ATP6V0D2: variants seen among roughly 807,000 people sequenced by gnomAD.
ATP6V0D2 encodes the protein V-type proton ATPase subunit d 2.
ATP6V0D2 carries 40 observed loss-of-function variants against 40.0 expected under a neutral mutation model. The ratio of observed to expected loss-of-function variants is 1.00; its 90% CI spans 0.78 to 1.30. The LOEUF is 1.30. ATP6V0D2 is among the 50% of genes most tolerant of loss of function. The pLI is 0.00. For synonymous variants in ATP6V0D2, 179 were observed against 156.3 expected (o/e 1.15, Z -1.08); for missense variants, 470 against 423.1 (o/e 1.11, Z -0.97).
At chr8:86,151,362 T>G (rs1449896975) in intron 6 of ATP6V0D2, 104 bp from the exon 7 acceptor site, 2 of 838,840 alleles carry the variant, frequency 2.4e-6, no homozygotes, top group Non-Finnish European at 3.6e-6. Context: ...TCCTGGTATT[T>G]TTTTTTAAAT....
At chr8:86,145,676 T>C (rs775715825) in intron 5 of ATP6V0D2, among the ~76,000 whole-genome samples, 2 of 152,228 alleles carry the variant, frequency 1.3e-5, no homozygotes, top group African/African-American at 2.4e-5. Flanking sequence ...TTTCTTTTCA[T>C]AAATTCAACT....
intron 5 of ATP6V0D2, among the ~76,000 whole-genome samples, chr8:86,143,904 C>A (rs964070171): frequency 5.9e-5 from 9 of 152,080 alleles, no homozygotes. Flanking sequence ...CAGCTGGGAA[C>A]CCCCACAACT....
At chr8:86,114,097 C>T (rs918826515) in intron 2 of ATP6V0D2, among the ~76,000 whole-genome samples, 3 of 151,324 alleles carry the variant, frequency 2.0e-5, no homozygotes, top group Non-Finnish European at 2.9e-5. Flanking sequence ...ATTATATCAG[C>T]GGTGGTGGCC....
chr8:86,131,596 G>A (rs766847069), intron 2 of ATP6V0D2, among the ~76,000 whole-genome samples: 8 of 151,158 alleles, frequency 5.3e-5, no homozygotes, highest in Non-Finnish European at 1.0e-4. Flanking sequence ...TGCCTCCCGG[G>A]TTCAAGTGAT....
intron 2 of ATP6V0D2, among the ~76,000 whole-genome samples, chr8:86,123,721 A>G (rs1818703160): frequency 6.6e-6 from 1 of 152,222 alleles, no homozygotes; most frequent in Non-Finnish European, 1.5e-5. Flanking sequence ...AGTTCTTATC[A>G]AAGAGACTAG....
rs111625300 is a variant in ATP6V0D2, at chr8:86,150,377, C to T, written c.816+89C>T. 5.0e-4 allele frequency: 638 copies of T among 1,288,562 alleles called. 9 individuals carry two copies. In the African/African-American group the frequency reaches 7.7e-3, roughly 16 times the overall value. 79.8% of individuals were successfully genotyped at this position (1,288,562 alleles called of 1,614,324 possible). The stretch of plus-strand genomic sequence containing the variant: ...CTCACACATCAAATTTCCGCTTATA[C>T]TCAAAAGAAGTAATAATATTTGTAA... On this transcript the variant is annotated intron_variant, in intron 6 of 7. Coordinates refer to ENST00000285393, the MANE Select transcript of ATP6V0D2 (RefSeq NM_152565.1).
At chr8:86,143,439 T>A (rs541457571) in intron 5 of ATP6V0D2, among the ~76,000 whole-genome samples, 1 of 152,352 alleles carries the variant, frequency 6.6e-6, no homozygotes, top group South Asian at 2.1e-4. Context: ...CAAGGGCTGC[T>A]GGTTACCTAT....
At chr8:86,128,278 G>GT (rs1240451514) in intron 2 of ATP6V0D2, among the ~76,000 whole-genome samples, 1 of 152,222 alleles carries the variant, frequency 6.6e-6, no homozygotes, top group Non-Finnish European at 1.5e-5. Flanking sequence ...GAACCTGGGA[G>GT]GTGGAGGTTG....
At chr8:86,131,758 C>A (rs141887880) in intron 2 of ATP6V0D2, among the ~76,000 whole-genome samples, 2,105 of 152,272 alleles carry the variant, frequency 0.014, 48 homozygotes, top group African/African-American at 0.048. Context: ...ACCTCAGCCT[C>A]CCAAAGTGCT....
intron 2 of ATP6V0D2, among the ~76,000 whole-genome samples, chr8:86,121,751 G>T (rs574257640): frequency 6.6e-6 from 1 of 152,046 alleles, no homozygotes; most frequent in Non-Finnish European, 1.5e-5. Context: ...TTGCAAATTC[G>T]AGGGTCTCTC....
At chr8:86,133,316 CTTTTTTT>C (rs1242479597) in intron 2 of ATP6V0D2, among the ~76,000 whole-genome samples, 1,710 of 77,300 alleles carry the variant, frequency 0.022, 39 homozygotes, top group African/African-American at 0.081. Flanking sequence ...AACAGAAAGT[CTTTTTTT>C]TTTTTTTTTT....
chr8:86,145,225 AAGAAAGAAAG>A (rs1381328910), intron 5 of ATP6V0D2, among the ~76,000 whole-genome samples: 1 of 39,658 alleles, frequency 2.5e-5, no homozygotes, highest in Non-Finnish European at 5.0e-5. Context: ...GAAAGAAAGA[AAGAAAGAAAG>A]AGAGAGAGAG....
chr8:86,108,726 G>A (rs1014196864), intron 1 of ATP6V0D2, among the ~76,000 whole-genome samples: 4 of 152,006 alleles, frequency 2.6e-5, no homozygotes, highest in Non-Finnish European at 5.9e-5. Context: ...CAGCCACCAC[G>A]CCCAGCCAAA....
At chr8:86,116,864 C>A (rs1273946889) in intron 2 of ATP6V0D2, among the ~76,000 whole-genome samples, 1 of 152,142 alleles carries the variant, frequency 6.6e-6, no homozygotes. Flanking sequence ...AGACCTGTGT[C>A]CTTTTACCAT....
chr8:86,151,520 G>GA lies in ATP6V0D2; in HGVS notation c.872dup (p.Asp291GlufsTer7). The GA allele has an allele frequency of 6.2e-7, 1 of 1,608,578 alleles. No homozygotes were observed. The highest frequency in any genetic ancestry group is 8.5e-7 in the Non-Finnish European group (1 of 1,177,670). On this transcript the variant is annotated frameshift_variant, in exon 7 of 8. Coordinates refer to ENST00000285393, the MANE Select transcript of ATP6V0D2 (RefSeq NM_152565.1). LOFTEE classifies it low-confidence loss of function (END_TRUNC). ...TGGCAGTGGGGGAAAGACATTGGAG[G>GA]ACGTGTTTTACGAGCGTGAGGTATG...
intron 4 of ATP6V0D2, among the ~76,000 whole-genome samples, chr8:86,142,644 G>T (rs1048258461): frequency 6.6e-6 from 1 of 151,930 alleles, no homozygotes; most frequent in South Asian, 2.1e-4. Flanking sequence ...TGCTTGTTAA[G>T]TAATTATAAG....
At chr8:86,105,322 C>T (rs947080215) in intron 1 of ATP6V0D2, among the ~76,000 whole-genome samples, 4 of 151,924 alleles carry the variant, frequency 2.6e-5, no homozygotes, top group Admixed American at 1.3e-4. Context: ...TTTTTTAAGA[C>T]GGTCTGGCTC....
In ATP6V0D2 at chr8:86,139,615, T is replaced by A; in HGVS notation, c.461T>A (p.Ile154Asn). ...ACACCTTCAGATCTCTTTAATGCCA[T>A]TCTGATCGAAACGCCATTAGGTAGG... ...AETPSDLFNAILIETPLAPFF... is the reference protein window; with the variant it reads ...AETPSDLFNANLIETPLAPFF... The change falls in exon 3 of 8, where the codon ATT becomes AAT. Residue 154 changes from isoleucine to asparagine, a missense_variant. By Grantham distance (149) the Ile-to-Asn change is moderately radical. Transcript: ENST00000285393. 6.2e-7 allele frequency: 1 copy of A among 1,600,830 alleles called. No individual in the cohort carries two copies. Among genetic ancestry groups the A allele is most frequent in the Non-Finnish European group, 8.5e-7 (1 of 1,174,786 alleles).
At chr8:86,143,467 G>A (rs561236082) in intron 5 of ATP6V0D2, among the ~76,000 whole-genome samples, 1 of 152,302 alleles carries the variant, frequency 6.6e-6, no homozygotes, top group Admixed American at 6.5e-5. Flanking sequence ...GTTATTTCTT[G>A]ATTATATGCT....
Sources: allele counts gnomAD v4.1 joint callset (sites outside exome capture counted in the v4.1 genomes callset), GRCh38; gene constraint gnomAD v4.1.1; transcripts MANE v1.5; gene names NCBI Gene and HGNC (gene_info 2026-07-23, HGNC 2026-07-21).